Variants in KCNAB1 observed in about 807,000 individuals in gnomAD.
KCNAB1 encodes potassium voltage-gated channel subfamily A regulatory beta subunit 1, also known as voltage-gated potassium channel subunit beta-1.
A neutral mutation model predicts 64.6 loss-of-function variants in KCNAB1; 35 were observed. That is an observed-to-expected ratio of 0.54 (90% CI 0.41 to 0.72). KCNAB1 has a LOEUF of 0.72. Among genes scored for constraint, KCNAB1 ranks in the 30% least tolerant of loss-of-function variants. The probability of loss-of-function intolerance (pLI) is 0.00; values close to 1 mark genes in which losing one functional copy is unlikely to be tolerated. For synonymous variants in KCNAB1, 177 were observed against 183.8 expected, an observed-to-expected ratio of 0.96 and a Z score of 0.30; for missense variants, 401 against 512.9, an observed-to-expected ratio of 0.78 and a Z score of 2.11.
intron 1 of KCNAB1, among the ~76,000 whole-genome samples, chr3:156,297,259 CTTTTTTTTTTTTTT>C (rs71141704): frequency 2.1e-5 from 2 of 96,470 alleles, no homozygotes; most frequent in African/African-American, 3.0e-5. Context: ...TTGAGGTTGG[CTTTTTTTTTTTTTT>C]TTTTTTTTTT....
intron 1 of KCNAB1, among the ~76,000 whole-genome samples, chr3:156,230,204 A>G (rs1341179455): frequency 1.3e-5 from 2 of 152,220 alleles, no homozygotes; most frequent in African/African-American, 2.4e-5. Context: ...GTACCACATA[A>G]TGACATTTCA....
At chr3:156,309,850 G>A (rs1357804279) in intron 1 of KCNAB1, among the ~76,000 whole-genome samples, 1 of 152,208 alleles carries the variant, frequency 6.6e-6, no homozygotes, top group African/African-American at 2.4e-5. Flanking sequence ...AGGAACTAAA[G>A]AGAATTAGTT....
At chr3:156,393,440 A>G (rs535127387) in intron 1 of KCNAB1, among the ~76,000 whole-genome samples, 1 of 152,154 alleles carries the variant, frequency 6.6e-6, no homozygotes, top group Non-Finnish European at 1.5e-5. Context: ...CCTGACTGCC[A>G]GGTCTCACTT....
intron 1 of KCNAB1, among the ~76,000 whole-genome samples, chr3:156,372,871 A>T (rs1450692503): frequency 1.3e-5 from 2 of 152,232 alleles, no homozygotes; most frequent in African/African-American, 4.8e-5. Context: ...GAAACTTTAA[A>T]TGATGACTTG....
chr3:156,249,107 A>G (rs1406203974), intron 1 of KCNAB1, among the ~76,000 whole-genome samples: 1 of 152,068 alleles, frequency 6.6e-6, no homozygotes, highest in Non-Finnish European at 1.5e-5. Flanking sequence ...AGTCAGAATA[A>G]GAGAATATAA....
chr3:156,220,950 C>T (rs1448434550), intron 1 of KCNAB1, among the ~76,000 whole-genome samples: 1 of 152,166 alleles, frequency 6.6e-6, no homozygotes, highest in Non-Finnish European at 1.5e-5. Flanking sequence ...GCCAGTTTCC[C>T]CAGCACCATT....
At chr3:156,173,744 T>C (rs1393616054) in intron 1 of KCNAB1, among the ~76,000 whole-genome samples, 2 of 152,356 alleles carry the variant, frequency 1.3e-5, no homozygotes, top group East Asian at 3.9e-4. Context: ...CAGATGTTTG[T>C]TTCAATGTTA....
intron 1 of KCNAB1, among the ~76,000 whole-genome samples, chr3:156,286,497 G>A (rs1014578865): frequency 2.0e-5 from 3 of 152,284 alleles, no homozygotes; most frequent in East Asian, 1.9e-4. Context: ...AATATAAACC[G>A]TAAATTCTGA....
At chr3:156,351,908 T>C (rs1724886988) in intron 1 of KCNAB1, among the ~76,000 whole-genome samples, 1 of 152,188 alleles carries the variant, frequency 6.6e-6, no homozygotes, top group South Asian at 2.1e-4. Flanking sequence ...CGCTTGGCTT[T>C]GAGTCTTCAT....
intron 1 of KCNAB1, among the ~76,000 whole-genome samples, chr3:156,200,553 C>T (rs1004031172): frequency 1.3e-5 from 2 of 152,342 alleles, no homozygotes; most frequent in East Asian, 3.9e-4. Context: ...AGCCTGGCTA[C>T]AGCCACTTTA....
At chr3:156,254,152 C>G (rs1416745771) in intron 1 of KCNAB1, among the ~76,000 whole-genome samples, 1 of 152,168 alleles carries the variant, frequency 6.6e-6, no homozygotes, top group Non-Finnish European at 1.5e-5. Flanking sequence ...AGAGTTATGT[C>G]TTTGAAATGA....
intron 1 of KCNAB1, among the ~76,000 whole-genome samples, chr3:156,144,257 A>T (rs1036963217): frequency 1.3e-5 from 2 of 152,190 alleles, no homozygotes; most frequent in Non-Finnish European, 2.9e-5. Flanking sequence ...CCTAGCTCAT[A>T]TCAAAACTTC....
At chr3:156,417,933 A>T (rs1022789432) in intron 1 of KCNAB1, among the ~76,000 whole-genome samples, 1 of 152,188 alleles carries the variant, frequency 6.6e-6, no homozygotes, top group African/African-American at 2.4e-5. Flanking sequence ...ACGCTGTAGG[A>T]TTTCCAAAAT....
At chr3:156,275,607 G>A (rs541297487) in intron 1 of KCNAB1, among the ~76,000 whole-genome samples, 7 of 152,048 alleles carry the variant, frequency 4.6e-5, no homozygotes, top group South Asian at 4.2e-4. Flanking sequence ...CCAAGCTTAC[G>A]GAATATTCTG....
At chr3:156,525,797 A>C (rs1490946027) in intron 12 of KCNAB1, among the ~76,000 whole-genome samples, 1 of 152,254 alleles carries the variant, frequency 6.6e-6, no homozygotes, top group African/African-American at 2.4e-5. Flanking sequence ...TACAGGCATG[A>C]GCCACTGTGC....
At chr3:156,131,196 G>A (rs960999659) in intron 1 of KCNAB1, among the ~76,000 whole-genome samples, 2 of 152,128 alleles carry the variant, frequency 1.3e-5, no homozygotes, top group Non-Finnish European at 2.9e-5. Flanking sequence ...TTTGCTGCAT[G>A]GGAGGAGGAA....
At chr3:156,342,608 AATT>A (rs1332049165) in intron 1 of KCNAB1, among the ~76,000 whole-genome samples, 3 of 63,662 alleles carry the variant, frequency 4.7e-5, no homozygotes, top group Admixed American at 1.5e-4. Context: ...TTTTTTTTTT[AATT>A]TTTTTTTTTT....
At chr3:156,292,228 G>A (rs1238208492) in intron 1 of KCNAB1, 32 of 1,338,998 alleles carry the variant, frequency 2.4e-5, no homozygotes, top group Non-Finnish European at 2.9e-5. Context: ...TCATCAGTGG[G>A]TTGCTCACTT....
intron 1 of KCNAB1, among the ~76,000 whole-genome samples, chr3:156,127,769 A>G (rs769151848): frequency 3.3e-5 from 5 of 152,166 alleles, no homozygotes; most frequent in Non-Finnish European, 7.4e-5. Flanking sequence ...CATCCACTCC[A>G]TGGGAGTAGC....
Sources: allele counts gnomAD v4.1 joint callset (sites outside exome capture counted in the v4.1 genomes callset), GRCh38; gene constraint gnomAD v4.1.1; transcripts MANE v1.5; gene names NCBI Gene and HGNC (gene_info 2026-07-23, HGNC 2026-07-21).